DSCAM: variants seen among roughly 807,000 people sequenced by gnomAD.
The protein encoded by DSCAM is DS cell adhesion molecule.
Under a neutral mutation model 217.7 loss-of-function variants are expected in DSCAM, and 47 were observed. The observed-to-expected ratio is 0.22, with a 90% CI of 0.17 to 0.28. DSCAM has a LOEUF of 0.28. DSCAM is among the 10% of genes least tolerant of loss of function. The pLI, the probability that DSCAM is intolerant of heterozygous loss-of-function variation, is 1.00. For missense variants in DSCAM, 2,080 were observed against 2,618.3 expected (o/e 0.79, Z 4.49); for synonymous variants, 1,056 against 1,015.3 (o/e 1.04, Z -0.76).
At chr21:40,385,164 T>G (rs1020600958) in intron 3 of DSCAM, 1 of 152,204 alleles carries the variant, frequency 6.6e-6, no homozygotes, top group African/African-American at 2.4e-5. Flanking sequence ...TCTTTGTTTT[T>G]CAAACTTACA....
At chr21:40,425,266 C>G (rs2038659460) in intron 3 of DSCAM, among the ~76,000 whole-genome samples, 1 of 150,492 alleles carries the variant, frequency 6.6e-6, no homozygotes, top group African/African-American at 2.4e-5. Context: ...TGGCTCATGC[C>G]TGTAATCCCA....
At chr21:40,266,097 T>C in intron 11 of DSCAM, among the ~76,000 whole-genome samples, 1 of 152,220 alleles carries the variant, frequency 6.6e-6, no homozygotes, top group Non-Finnish European at 1.5e-5. Context: ...TATTTGAAAA[T>C]TATGCATCCG....
At chr21:40,528,484 A>G (rs992394075) in intron 3 of DSCAM, among the ~76,000 whole-genome samples, 2 of 152,206 alleles carry the variant, frequency 1.3e-5, no homozygotes, top group African/African-American at 4.8e-5. Flanking sequence ...CTAGAACAGC[A>G]CTAATTTAAA....
intron 1 of DSCAM, among the ~76,000 whole-genome samples, chr21:40,808,273 C>G (rs1601291928): frequency 1.3e-5 from 2 of 152,008 alleles, no homozygotes; most frequent in African/African-American, 4.8e-5. Flanking sequence ...GACCAAGAGG[C>G]CCAAAAATGC....
intron 1 of DSCAM, among the ~76,000 whole-genome samples, chr21:40,773,484 G>T (rs187900596): frequency 2.5e-4 from 38 of 152,276 alleles, no homozygotes; most frequent in Non-Finnish European, 5.1e-4. Context: ...AGGGCTTATA[G>T]TAAGTCCAGG....
At chr21:40,264,768 CT>C (rs1283206286) in intron 11 of DSCAM, among the ~76,000 whole-genome samples, 1 of 152,188 alleles carries the variant, frequency 6.6e-6, no homozygotes, top group Non-Finnish European at 1.5e-5. Context: ...AAAACTACCT[CT>C]GTTAGAAAAC....
At chr21:40,105,888 T>C (rs1445593150) in intron 20 of DSCAM, among the ~76,000 whole-genome samples, 1 of 152,242 alleles carries the variant, frequency 6.6e-6, no homozygotes, top group Non-Finnish European at 1.5e-5. Flanking sequence ...TTTACTTCTG[T>C]TTATGTGATG....
intron 1 of DSCAM, among the ~76,000 whole-genome samples, chr21:40,789,607 G>A (rs2091622040): frequency 1.4e-5 from 2 of 147,874 alleles, no homozygotes; most frequent in South Asian, 4.3e-4. Context: ...CCAGGCTGGA[G>A]TGCAGTGGCA....
At chr21:40,513,877 A>C in intron 3 of DSCAM, among the ~76,000 whole-genome samples, 1 of 152,184 alleles carries the variant, frequency 6.6e-6, no homozygotes, top group Non-Finnish European at 1.5e-5. Context: ...ACAACAACAA[A>C]AACAAGTGAA....
At chr21:40,508,159 T>G (rs916818857) in intron 3 of DSCAM, among the ~76,000 whole-genome samples, 2 of 152,198 alleles carry the variant, frequency 1.3e-5, no homozygotes, top group Admixed American at 1.3e-4. Context: ...TTATTTAATT[T>G]CTGACTCACA....
At chr21:40,556,447 T>C (rs1279735655) in intron 3 of DSCAM, among the ~76,000 whole-genome samples, 5 of 152,234 alleles carry the variant, frequency 3.3e-5, no homozygotes, top group Non-Finnish European at 7.3e-5. Context: ...TATACTACTA[T>C]ATGTCTTAGT....
At chr21:40,575,397 G>A (rs746706010) in intron 3 of DSCAM, among the ~76,000 whole-genome samples, 20 of 151,922 alleles carry the variant, frequency 1.3e-4, no homozygotes, top group Non-Finnish European at 2.4e-4. Context: ...CTCTTCACAC[G>A]GACGCGAATG....
At chr21:40,302,386 T>C (rs2074027264) in intron 9 of DSCAM, among the ~76,000 whole-genome samples, 7 of 152,282 alleles carry the variant, frequency 4.6e-5, no homozygotes, top group Middle Eastern at 3.4e-3. Context: ...AGCTCTCTCT[T>C]GCCTGCCACC....
chr21:40,049,911 C>T (rs1203727367), intron 30 of DSCAM, among the ~76,000 whole-genome samples: 2 of 152,240 alleles, frequency 1.3e-5, no homozygotes, highest in African/African-American at 2.4e-5. Context: ...TGGGCTGCTG[C>T]TTCTCCTGTC....
chr21:40,195,907 G>A (rs547635899), intron 11 of DSCAM, among the ~76,000 whole-genome samples: 24 of 152,268 alleles, frequency 1.6e-4, no homozygotes, highest in African/African-American at 5.3e-4. Flanking sequence ...TCTACTGCCT[G>A]GATTCCACAG....
intron 3 of DSCAM, among the ~76,000 whole-genome samples, chr21:40,573,709 ATTTG>A (rs1055440411): frequency 7.2e-5 from 11 of 152,278 alleles, no homozygotes; most frequent in African/African-American, 2.2e-4. Context: ...AATGTGAGAA[ATTTG>A]TTTAAGACAG....
chr21:40,140,212 T>C (rs933848879), intron 18 of DSCAM, among the ~76,000 whole-genome samples: 12 of 152,146 alleles, frequency 7.9e-5, no homozygotes, highest in South Asian at 6.2e-4. Context: ...TTCATGTTTC[T>C]GAAGGTTTCT....
At chr21:40,387,739 A>T (rs8132934) in intron 3 of DSCAM, among the ~76,000 whole-genome samples, 11,921 of 152,248 alleles carry the variant, frequency 0.078, 1,068 homozygotes, top group African/African-American at 0.22. Context: ...TAACTCGACA[A>T]TGTTTACACA....
In DSCAM at chr21:40,558,150, G is replaced by C. The variant is rs148293505; in HGVS notation, c.508+134660C>G. Reference sequence around the variant, plus strand: ...CTTTCCATCACATATTTCTATCACTGAGAAAAACAGGTTATCATTTGATTA... The same window carrying C: ...CTTTCCATCACATATTTCTATCACTCAGAAAAACAGGTTATCATTTGATTA... On this transcript the variant is annotated intron_variant, in intron 3 of 32. Coordinates refer to ENST00000400454, the MANE Select transcript of DSCAM (RefSeq NM_001389.5). Among the ~76,000 whole-genome samples, 1,319 of 152,102 alleles carry C rather than the reference G, an allele frequency of 8.7e-3. 11 individuals are homozygous for C. The highest frequency in any genetic ancestry group is 0.011 in the Non-Finnish European group (721 of 68,014).
Sources: allele counts gnomAD v4.1 joint callset (sites outside exome capture counted in the v4.1 genomes callset), GRCh38; gene constraint gnomAD v4.1.1; transcripts MANE v1.5; gene names NCBI Gene and HGNC (gene_info 2026-07-23, HGNC 2026-07-21).